EFNA2: variants seen among roughly 807,000 people sequenced by gnomAD.
EFNA2 encodes the protein ephrin-A2.
A neutral mutation model predicts 19.7 loss-of-function variants in EFNA2; 18 were observed. The ratio of observed to expected loss-of-function variants is 0.91; its 90% CI spans 0.63 to 1.35. The LOEUF (loss-of-function observed/expected upper bound fraction) is 1.35, where lower values mean the gene tolerates loss of function less well. Ranked by LOEUF, EFNA2 falls within the 40% of genes most tolerant of loss-of-function variation. The pLI, the probability that EFNA2 is intolerant of heterozygous loss-of-function variation, is 0.00. For synonymous variants in EFNA2, 187 were observed against 137.8 expected (o/e 1.36, Z -2.50); for missense variants, 303 against 296.0 (o/e 1.02, Z -0.17).
intron 1 of EFNA2, among the ~76,000 whole-genome samples, chr19:1,292,484 C>T (rs371336938): frequency 2.6e-5 from 4 of 152,206 alleles, no homozygotes; most frequent in African/African-American, 9.6e-5. Context: ...AGGCCAACAT[C>T]AGGATCCGGG....
chr19:1,289,897 A>G (rs1274052621), intron 1 of EFNA2, among the ~76,000 whole-genome samples: 1 of 151,754 alleles, frequency 6.6e-6, no homozygotes, highest in Non-Finnish European at 1.5e-5. Flanking sequence ...TCTGCTGCAT[A>G]AGGGTTTTTT....
At chr19:1,290,717 G>C (rs574510481) in intron 1 of EFNA2, among the ~76,000 whole-genome samples, 4 of 152,224 alleles carry the variant, frequency 2.6e-5, no homozygotes, top group African/African-American at 9.6e-5. Flanking sequence ...CTCTCCTGCA[G>C]ATGGGTCCTC....
At chr19:1,284,844 G>A (rs111924047), upstream of EFNA2, among the ~76,000 whole-genome samples, 842 of 152,332 alleles carry the variant, frequency 5.5e-3, 6 homozygotes, top group African/African-American at 0.019. The surrounding 1 kb of genome is among the most constrained non-coding windows in gnomAD (Gnocchi z 5.3). Context: ...ATTCAGAGAC[G>A]TACAACACGA....
At chr19:1,284,606 C>T (rs1375923841), upstream of EFNA2, among the ~76,000 whole-genome samples, 1 of 152,184 alleles carries the variant, frequency 6.6e-6, no homozygotes, top group African/African-American at 2.4e-5. This position sits in a 1 kb window ranked among gnomAD's most constrained non-coding sequence, Gnocchi z 5.3. Context: ...GGGAGGAGGG[C>T]ACGCAGGAGA....
rs147266859 is a variant in EFNA2, at chr19:1,290,554, G to A, written c.140+4246G>A. 5.0e-3 allele frequency among the ~76,000 whole-genome samples: 756 copies of A among 152,300 alleles called. 3 individuals carry two copies. Among genetic ancestry groups the A allele is most frequent in the Middle Eastern group, 0.02 (6 of 294 alleles). On this transcript the variant is annotated intron_variant, in intron 1 of 3. Coordinates refer to ENST00000215368, the MANE Select transcript of EFNA2 (RefSeq NM_001405.4). ...GTGGGTTGTGCATTCATGGGGGTCC[G>A]GGTGGTAGCGTTTCTGTGGAGCCGG...
At position 1,286,381 on chromosome 19, in the gene EFNA2, C is replaced by T. The variant is rs1294039342; in HGVS notation, c.140+73C>T. On this transcript the variant is annotated intron_variant, in intron 1 of 3. Coordinates refer to ENST00000215368, the MANE Select transcript of EFNA2 (RefSeq NM_001405.4). This position sits in a 1 kb window ranked among gnomAD's most constrained non-coding sequence, Gnocchi z 5.6. ...CCCAAGCCGCGCCCGGCCTCGCGCC[C>T]CCGGAGCTCCGGGCGCCCCCCACGC... 1.2e-6 allele frequency: 1 copy of T among 812,676 alleles called. No individual in the cohort carries two copies. Among genetic ancestry groups the T allele is most frequent in the Non-Finnish European group, 1.5e-6 (1 of 675,102 alleles). The allele number at this position is 812,676 out of a possible 1,614,324, so 50.3% of individuals were successfully genotyped here.
At position 1,300,786 on chromosome 19, in the gene EFNA2, G is replaced by A. The variant is rs1300035262; in HGVS notation, c.*841G>A. On this transcript the variant is annotated 3_prime_UTR_variant, in exon 4 of 4. Transcript: ENST00000215368. Reference sequence around the variant, plus strand: ...CCGTGTCTTAGAAACTGCTTTGGCCGATGCAAACAGCCCCCTACCCGTCCC... The same window carrying A: ...CCGTGTCTTAGAAACTGCTTTGGCCAATGCAAACAGCCCCCTACCCGTCCC... Among the ~76,000 whole-genome samples the A allele has an allele frequency of 6.6e-6, 1 of 152,098 alleles. No homozygotes were observed.
At position 1,294,342 on chromosome 19, in the gene EFNA2, C is replaced by G. The variant is rs957759771; in HGVS notation, c.141-1203C>G. 7.9e-5 allele frequency among the ~76,000 whole-genome samples: 12 copies of G among 152,216 alleles called. No individual in the cohort carries two copies. The highest frequency in any genetic ancestry group is 2.9e-4 in the African/African-American group (12 of 41,456). On this transcript the variant is annotated intron_variant, in intron 1 of 3. Coordinates refer to ENST00000215368, the MANE Select transcript of EFNA2 (RefSeq NM_001405.4). The surrounding 1 kb of genome is among the most constrained non-coding windows in gnomAD (Gnocchi z 5.8). ...AGTGAGGGAAGGGGAGCCGCCGGTC[C>G]CTTCCTCGGCTGATCTCTATCCTCA...
At chr19:1,288,392 G>A (rs888672921) in intron 1 of EFNA2, among the ~76,000 whole-genome samples, 3 of 152,214 alleles carry the variant, frequency 2.0e-5, no homozygotes, top group Non-Finnish European at 4.4e-5. Context: ...ACATCGGCTT[G>A]GGGAGAGGAG....
intron 1 of EFNA2, among the ~76,000 whole-genome samples, chr19:1,293,182 C>T (rs1568865324): frequency 6.6e-6 from 1 of 152,224 alleles, no homozygotes; most frequent in African/African-American, 2.4e-5. Context: ...GCAGGGTGAC[C>T]TGGGTGTGGG....
chr19:1,292,714 A>G (rs1055619460), intron 1 of EFNA2, among the ~76,000 whole-genome samples: 2 of 152,040 alleles, frequency 1.3e-5, no homozygotes, highest in African/African-American at 4.8e-5. Flanking sequence ...TTTTATTCTG[A>G]GGATCAGGAA....
rs1264540468 is a variant in EFNA2, at chr19:1,295,217, A to AC, written c.141-324dup. On this transcript the variant is annotated intron_variant, in intron 1 of 3. Coordinates refer to ENST00000215368, the MANE Select transcript of EFNA2 (RefSeq NM_001405.4). This position sits in a 1 kb window ranked among gnomAD's most constrained non-coding sequence, Gnocchi z 5.8. Reference sequence around the variant, plus strand: ...CAGGCGGAGTCCACCTTGTGAACTGACCCCTCCCCCATTCCCCGGCCTGAC... The same window carrying AC: ...CAGGCGGAGTCCACCTTGTGAACTGACCCCCTCCCCCATTCCCCGGCCTGAC... Among the ~76,000 whole-genome samples the AC allele has an allele frequency of 6.6e-6, 1 of 151,084 alleles. No individual in the cohort carries two copies. The highest frequency in any genetic ancestry group is 1.5e-5 in the Non-Finnish European group (1 of 67,732).
upstream of EFNA2, among the ~76,000 whole-genome samples, chr19:1,285,622 G>A (rs1056523361): frequency 1.3e-5 from 2 of 151,912 alleles, no homozygotes; most frequent in Admixed American, 1.3e-4. This position sits in a 1 kb window ranked among gnomAD's most constrained non-coding sequence, Gnocchi z 4.1. Context: ...GCCGGGTGGA[G>A]CGCGTGGGGG....
chr19:1,284,875 T>A (rs1161030636), upstream of EFNA2, among the ~76,000 whole-genome samples: 2 of 152,206 alleles, frequency 1.3e-5, no homozygotes, highest in African/African-American at 4.8e-5. The surrounding 1 kb of genome is among the most constrained non-coding windows in gnomAD (Gnocchi z 5.3). Flanking sequence ...GCCAGCAAAG[T>A]CCAGCCAGCG....
At position 1,295,718 on chromosome 19, in the gene EFNA2, G is replaced by A. The variant is rs771581132; in HGVS notation, c.314G>A (p.Arg105His). 1.1e-5 allele frequency: 18 copies of A among 1,608,248 alleles called. No individual in the cohort carries two copies. Among genetic ancestry groups the A allele is most frequent in the Middle Eastern group, 3.3e-4 (2 of 6,026 alleles). The change falls in exon 2 of 4, where the codon CGC becomes CAC. Residue 105 changes from arginine (R) to histidine (H), a missense_variant. By Grantham distance (29) the Arg-to-His change is conservative. Transcript: ENST00000215368. The surrounding 1 kb of genome is among the most constrained non-coding windows in gnomAD (Gnocchi z 5.8). ...GAGGGCCACGCCTCCTGCGACCACC[G>A]CCAGCGCGGCTTCAAGCGCTGGGAG... ...NGEGHASCDH[R>H]QRGFKRWECN...
rs778353006 is a variant in EFNA2 at position 1,294,386 on chromosome 19, G to T, written c.141-1159G>T. On this transcript the variant is annotated intron_variant, in intron 1 of 3. Coordinates refer to ENST00000215368, the MANE Select transcript of EFNA2 (RefSeq NM_001405.4). This position sits in a 1 kb window ranked among gnomAD's most constrained non-coding sequence, Gnocchi z 5.8. The stretch of plus-strand genomic sequence containing the variant: ...ATCCTCACAGACGAGGCTGGGTCAG[G>T]GGGCTCCCTGGAGGAAGGGGCCTGT... Among the ~76,000 whole-genome samples, 1 of 152,190 alleles carries T rather than the reference G, an allele frequency of 6.6e-6. No homozygotes were observed. The highest frequency in any genetic ancestry group is 2.4e-5 in the African/African-American group (1 of 41,432).
chr19:1,290,778 G>A lies in EFNA2; in HGVS notation c.140+4470G>A, dbSNP rs535760965. ...CTGGGGGAAGGGCTGAGCTGCTCCC[G>A]TCCCTGTGCCCACCGTCCCGTCGCC... On this transcript the variant is annotated intron_variant, in intron 1 of 3. Coordinates refer to ENST00000215368, the MANE Select transcript of EFNA2 (RefSeq NM_001405.4). Among the ~76,000 whole-genome samples, 7 of 152,316 alleles carry A rather than the reference G, an allele frequency of 4.6e-5. No homozygotes were observed. The East Asian group carries it at 5.8e-4, about 13-fold the overall frequency.
In EFNA2 at chr19:1,295,832, G is replaced by T; in HGVS notation, c.428G>T (p.Arg143Leu). The change falls in exon 2 of 4, where the codon CGG (arginine) becomes CTG (leucine). Residue 143 changes from arginine to leucine, a missense_variant. Arg to Leu is a moderately radical substitution (Grantham distance 102). Coordinates refer to ENST00000215368, the MANE Select transcript of EFNA2 (RefSeq NM_001405.4). This position sits in a 1 kb window ranked among gnomAD's most constrained non-coding sequence, Gnocchi z 5.8. ...CCCTTCTCCCTGGGCTTCGAGTTCC[G>T]GCCCGGCCACGAGTATTACTACATC... The part of the protein sequence containing the change: ...FTPFSLGFEF[R>L]PGHEYYYISA... 2 of 1,605,854 alleles carry T rather than the reference G, an allele frequency of 1.2e-6. No homozygotes were observed. The highest frequency in any genetic ancestry group is 1.3e-5 in the African/African-American group (1 of 74,152).
At chr19:1,292,153 C>T (rs1159913514) in intron 1 of EFNA2, among the ~76,000 whole-genome samples, 1 of 152,180 alleles carries the variant, frequency 6.6e-6, no homozygotes, top group African/African-American at 2.4e-5. Context: ...GGGGTGGGGG[C>T]CCCCTCCCCC....
Sources: allele counts gnomAD v4.1 joint callset (sites outside exome capture counted in the v4.1 genomes callset), GRCh38; gene constraint gnomAD v4.1.1; non-coding constraint Gnocchi (gnomAD v3.1); transcripts MANE v1.5; gene names NCBI Gene and HGNC (gene_info 2026-07-23, HGNC 2026-07-21).